The following MATN2 variants were observed in gnomAD, a reference collection of about 807,000 sequenced individuals.
The protein encoded by MATN2 is matrilin 2.
Under a neutral mutation model 103.2 loss-of-function variants are expected in MATN2, and 69 were observed. The observed-to-expected ratio is 0.67, with a 90% CI of 0.55 to 0.82. The LOEUF (loss-of-function observed/expected upper bound fraction) is 0.82, where lower values mean the gene tolerates loss of function less well. Ranked by LOEUF, MATN2 falls within the 40% of genes least tolerant of loss-of-function variation. MATN2 has a pLI of 0.00. For missense variants in MATN2, 1,023 were observed against 1,211.5 expected, an observed-to-expected ratio of 0.84 and a Z score of 2.31; for synonymous variants, 429 against 450.2, an observed-to-expected ratio of 0.95 and a Z score of 0.60.
At position 97,997,205 on chromosome 8, in the gene MATN2, C is replaced by A. The variant is rs546407206; in HGVS notation, c.1204+2603C>A. 1.6e-4 allele frequency among the ~76,000 whole-genome samples: 24 copies of A among 152,336 alleles called. 1 individual carries two copies. The highest frequency in any genetic ancestry group is 5.8e-4 in the African/African-American group (24 of 41,572). Reference sequence around the variant, plus strand: ...GGCTCCAGGATCCCTGATTCTGGTACCATGATGAGTGCTCTCAAAAATTGG... The same window carrying A: ...GGCTCCAGGATCCCTGATTCTGGTAACATGATGAGTGCTCTCAAAAATTGG... On this transcript the variant is annotated intron_variant, in intron 7 of 18. Transcript: ENST00000254898.
chr8:97,986,605 T>A (rs7842460), intron 6 of MATN2, among the ~76,000 whole-genome samples: 4 of 152,174 alleles, frequency 2.6e-5, no homozygotes, highest in Non-Finnish European at 5.9e-5. Flanking sequence ...GCAAATGCCA[T>A]TCTTTTGTTC....
chr8:98,021,115 G>C, intron 12 of MATN2, 90 bp from the exon 13 acceptor site: 1 of 1,292,854 alleles, frequency 7.7e-7, no homozygotes. Flanking sequence ...CTTTAAAAGA[G>C]ATTACTTCCA....
At chr8:98,009,756 C>T (rs967690627) in intron 10 of MATN2, among the ~76,000 whole-genome samples, 6 of 152,112 alleles carry the variant, frequency 3.9e-5, no homozygotes, top group African/African-American at 7.2e-5. Flanking sequence ...GGGGATGGGG[C>T]GATCTCTTTT....
chr8:97,956,241 G>A (rs138993447), intron 4 of MATN2, among the ~76,000 whole-genome samples: 12 of 151,836 alleles, frequency 7.9e-5, no homozygotes, highest in Admixed American at 3.3e-4. Flanking sequence ...GCAGTGGCGC[G>A]ATCTCAGCTC....
At chr8:97,934,302 A>G (rs1420755045) in intron 3 of MATN2, among the ~76,000 whole-genome samples, 1 of 152,224 alleles carries the variant, frequency 6.6e-6, no homozygotes, top group East Asian at 1.9e-4. Context: ...GGGATTTTAT[A>G]TGCAGAAAGT....
Position 97,931,090 on chromosome 8 carries a change from A to C in MATN2, c.280A>C (p.Thr94Pro). ...ATTCTTGGACATTGGTCCTGATGTC[A>C]CCCGAGTGGGCCTGCTCCAATATGG... ...LQFLDIGPDV[T>P]RVGLLQYGST... is the part of the protein sequence containing the mutation. Residue 94 changes from threonine to proline, a missense_variant, in exon 3 of 19, where the codon ACC becomes CCC. Coordinates refer to ENST00000254898, the MANE Select transcript of MATN2 (RefSeq NM_002380.5). This position sits in a 1 kb window ranked among gnomAD's most constrained non-coding sequence, Gnocchi z 4.1. The C allele has an allele frequency of 6.2e-7, 1 of 1,614,010 alleles. No individual in the cohort carries two copies.
At chr8:98,000,082 T>A (rs1163603010) in intron 7 of MATN2, among the ~76,000 whole-genome samples, 2 of 151,292 alleles carry the variant, frequency 1.3e-5, no homozygotes, top group African/African-American at 4.9e-5. Context: ...GCTTTCACCA[T>A]GTTGGCCAGG....
chr8:98,030,397 C>A, intron 14 of MATN2, 65 bp from the exon 15 acceptor site: 1 of 1,408,104 alleles, frequency 7.1e-7, no homozygotes, highest in Non-Finnish European at 9.8e-7. Context: ...GTGCAGTACA[C>A]ACAACTTCCA....
rs141136191 is a variant in MATN2 at position 97,923,840 on chromosome 8, A to G, written c.143-7113A>G. On this transcript the variant is annotated intron_variant, in intron 2 of 18. Coordinates refer to ENST00000254898, the MANE Select transcript of MATN2 (RefSeq NM_002380.5). Reference sequence around the variant, plus strand: ...CCAAAGTGCGGGGATTACAGGCATGAGCTACTGTTCCCAGCTAGATTTCAG... The same window carrying G: ...CCAAAGTGCGGGGATTACAGGCATGGGCTACTGTTCCCAGCTAGATTTCAG... 1.1e-4 allele frequency among the ~76,000 whole-genome samples: 16 copies of G among 152,318 alleles called. No homozygotes were observed. The East Asian group carries it at 3.1e-3, about 29-fold the overall frequency.
chr8:98,027,745 A>T lies in MATN2; in HGVS notation c.2272A>T (p.Arg758Trp). The change falls in exon 14 of 19, where the codon AGG (arginine) becomes TGG (tryptophan). Residue 758 changes from arginine (R) to tryptophan (W), a missense_variant. Coordinates refer to ENST00000254898, the MANE Select transcript of MATN2 (RefSeq NM_002380.5). Reference protein sequence around the residue: ...QGEGARPLSTRVPRAAIVFTD... With the variant: ...QGEGARPLSTWVPRAAIVFTD... ...AGAAGGGGCCAGGCCCCTTTCCACA[A>T]GGGTGCCCAGAGCAGCCATTGTGTT... is the stretch of plus-strand genomic sequence containing the variant. 6.2e-7 allele frequency: 1 copy of T among 1,612,968 alleles called. No homozygotes were observed. The highest frequency in any genetic ancestry group is 1.7e-4 in the Middle Eastern group (1 of 6,054).
At position 98,007,737 on chromosome 8, in the gene MATN2, A is replaced by C; in HGVS notation, c.1573+136A>C. On this transcript the variant is annotated intron_variant, in intron 10 of 18. Coordinates refer to ENST00000254898, the MANE Select transcript of MATN2 (RefSeq NM_002380.5). This position sits in a 1 kb window ranked among gnomAD's most constrained non-coding sequence, Gnocchi z 4.2. Reference sequence around the variant, plus strand: ...GGCCTGCATGAATGTGTGTGACAGCATCTCTTAGCCATTAAGCCTTGGTGG... The same window carrying C: ...GGCCTGCATGAATGTGTGTGACAGCCTCTCTTAGCCATTAAGCCTTGGTGG... 2.7e-6 allele frequency: 3 copies of C among 1,092,076 alleles called. No homozygotes were observed. The highest frequency in any genetic ancestry group is 2.6e-6 in the Non-Finnish European group (2 of 771,640). 67.6% of individuals were successfully genotyped at this position (1,092,076 alleles called of 1,614,324 possible).
At chr8:98,024,459 C>T (rs112730780) in intron 13 of MATN2, among the ~76,000 whole-genome samples, 1 of 152,172 alleles carries the variant, frequency 6.6e-6, no homozygotes, top group Non-Finnish European at 1.5e-5. Context: ...GAGCCAAGAT[C>T]GCACCACTGC....
intron 2 of MATN2, among the ~76,000 whole-genome samples, chr8:97,925,400 T>C (rs1041554449): frequency 1.3e-5 from 2 of 152,004 alleles, no homozygotes; most frequent in South Asian, 4.2e-4. Flanking sequence ...ACTTCACTTT[T>C]ATACTAGATA....
chr8:97,955,593 G>A (rs774109735), intron 4 of MATN2, among the ~76,000 whole-genome samples: 15 of 152,238 alleles, frequency 9.9e-5, no homozygotes, highest in Non-Finnish European at 1.6e-4. Context: ...GCTCTAGGCT[G>A]CCCAGCAAGG....
intron 4 of MATN2, among the ~76,000 whole-genome samples, chr8:97,950,482 C>G (rs1728524707): frequency 6.6e-6 from 1 of 152,132 alleles, no homozygotes; most frequent in Non-Finnish European, 1.5e-5. Flanking sequence ...TCCGCTCATT[C>G]ATTCAATACC....
chr8:97,880,635 T>A (rs960374920), intron 1 of MATN2, among the ~76,000 whole-genome samples: 11 of 152,218 alleles, frequency 7.2e-5, no homozygotes, highest in African/African-American at 2.7e-4. Context: ...CACGAAATGC[T>A]TAAAAGCTAA....
At chr8:97,888,049 CTCT>C in intron 1 of MATN2, 23 bp from the exon 2 acceptor site, 2 of 1,584,330 alleles carry the variant, frequency 1.3e-6, no homozygotes, top group Non-Finnish European at 8.6e-7. Context: ...TCACCCTGCC[CTCT>C]TCTTGTGTTG....
intron 1 of MATN2, among the ~76,000 whole-genome samples, chr8:97,876,443 C>A (rs1818072322): frequency 6.6e-6 from 1 of 152,012 alleles, no homozygotes. Context: ...CCTGCCTTGG[C>A]CTCCCAAAGT....
chr8:97,926,594 T>C (rs909291405), intron 2 of MATN2, among the ~76,000 whole-genome samples: 2 of 152,202 alleles, frequency 1.3e-5, no homozygotes, highest in African/African-American at 4.8e-5. Flanking sequence ...TTCTATAAAA[T>C]GAGTGACTTG....
Sources: allele counts gnomAD v4.1 joint callset (sites outside exome capture counted in the v4.1 genomes callset), GRCh38; gene constraint gnomAD v4.1.1; non-coding constraint Gnocchi (gnomAD v3.1); transcripts MANE v1.5; gene names NCBI Gene and HGNC (gene_info 2026-07-23, HGNC 2026-07-21).